FYB2: variants seen among roughly 807,000 people sequenced by gnomAD.
The protein encoded by FYB2 is FYN-binding protein 2.
Under a neutral mutation model 94.1 loss-of-function variants are expected in FYB2, and 103 were observed. The observed-to-expected ratio is 1.09, with a 90% CI of 0.93 to 1.29. The LOEUF (loss-of-function observed/expected upper bound fraction) is 1.29, where lower values mean the gene tolerates loss of function less well. FYB2 is among the 50% of genes most tolerant of loss of function. The pLI is 0.00. For missense variants in FYB2, 896 were observed against 841.5 expected (o/e 1.06, Z -0.80); for synonymous variants, 293 against 287.9 (o/e 1.02, Z -0.18).
At position 56,740,612 on chromosome 1, in the gene FYB2, G is replaced by C. The variant is rs550442910; in HGVS notation, c.1703+85C>G. The C allele has an allele frequency of 1.8e-5, 14 of 788,796 alleles. No individual in the cohort carries two copies. The African/African-American group carries it at 2.1e-4, about 12-fold the overall frequency. 48.9% of individuals were successfully genotyped at this position (788,796 alleles called of 1,614,324 possible). On this transcript the variant is annotated intron_variant, in intron 13 of 19. Coordinates refer to ENST00000343433, the MANE Select transcript of FYB2 (RefSeq NM_001004303.5). The stretch of plus-strand genomic sequence containing the variant: ...TTTAGTTTCTGATATCCCCTTCACT[G>C]TTTCTGAGATTGGATGGAGAACATC...
chr1:56,760,029 A>C (rs1645451068), intron 5 of FYB2, among the ~76,000 whole-genome samples: 1 of 151,042 alleles, frequency 6.6e-6, no homozygotes, highest in African/African-American at 2.4e-5. Flanking sequence ...CAGTGAGCCG[A>C]GATCGCGCTA....
intron 1 of FYB2, among the ~76,000 whole-genome samples, chr1:56,811,978 A>C (rs1375397614): frequency 2.0e-5 from 3 of 151,560 alleles, no homozygotes; most frequent in Non-Finnish European, 4.4e-5. Context: ...CTGGTCTTTG[A>C]GGTAAGCCAT....
upstream of FYB2, among the ~76,000 whole-genome samples, chr1:56,822,796 CGT>C (rs1302337444): frequency 6.6e-6 from 1 of 150,918 alleles, no homozygotes; most frequent in African/African-American, 2.4e-5. Context: ...TGGGAAATCA[CGT>C]GTCCTCACCT....
intron 1 of FYB2, among the ~76,000 whole-genome samples, chr1:56,814,284 G>GCTA (rs1182514912): frequency 6.6e-6 from 1 of 152,224 alleles, no homozygotes; most frequent in Non-Finnish European, 1.5e-5. Flanking sequence ...CAGAGCTTGG[G>GCTA]CTGTACTCTG....
chr1:56,814,423 G>A (rs552896843), intron 1 of FYB2, among the ~76,000 whole-genome samples: 1 of 152,286 alleles, frequency 6.6e-6, no homozygotes, highest in South Asian at 2.1e-4. Flanking sequence ...TGACTCAATG[G>A]GAAAGTAATG....
intron 5 of FYB2, among the ~76,000 whole-genome samples, chr1:56,764,253 C>T (rs1300561663): frequency 6.6e-6 from 1 of 152,086 alleles, no homozygotes; most frequent in Non-Finnish European, 1.5e-5. Context: ...CGCTCCTGAC[C>T]CATATTATGT....
chr1:56,793,522 C>T (rs551305121), intron 1 of FYB2, among the ~76,000 whole-genome samples: 2 of 152,128 alleles, frequency 1.3e-5, no homozygotes, highest in African/African-American at 4.8e-5. Context: ...AGGAGCTAAA[C>T]ACTGAGTACA....
At chr1:56,720,545 G>T in intron 17 of FYB2, 2 of 371,826 alleles carry the variant, frequency 5.4e-6, no homozygotes, top group Non-Finnish European at 4.7e-6. Context: ...ACATTTGTTT[G>T]GTATGATTAT....
chr1:56,726,430 C>T (rs1237027649), intron 16 of FYB2, 67 bp downstream of exon 16: 3 of 1,417,304 alleles, frequency 2.1e-6, no homozygotes, highest in Admixed American at 2.1e-5. Flanking sequence ...TATCTGAGGC[C>T]ACACAGCTAG....
At chr1:56,811,511 C>A (rs1180688984) in intron 1 of FYB2, among the ~76,000 whole-genome samples, 2 of 152,194 alleles carry the variant, frequency 1.3e-5, no homozygotes, top group Non-Finnish European at 1.5e-5. Context: ...AGTTTGTCAA[C>A]AACCCAGCCA....
chr1:56,743,964 T>C (rs1330161465), intron 11 of FYB2, 62 bp downstream of exon 11: 1 of 1,506,228 alleles, frequency 6.6e-7, no homozygotes, highest in Non-Finnish European at 9.1e-7. Context: ...TTATCACTAA[T>C]CAGCCATAGA....
At chr1:56,743,901 T>C (rs1569947114) in intron 11 of FYB2, 125 bp downstream of exon 11, 1 of 1,031,094 alleles carries the variant, frequency 9.7e-7, no homozygotes, top group Non-Finnish European at 1.4e-6. Context: ...GTATTGCTTC[T>C]CTTAGCTTCC....
chr1:56,757,045 G>A (rs1310724704), intron 6 of FYB2, among the ~76,000 whole-genome samples: 1 of 152,006 alleles, frequency 6.6e-6, no homozygotes, highest in Non-Finnish European at 1.5e-5. Flanking sequence ...GAAAGGAAGA[G>A]ATCAGATTCC....
chr1:56,810,230 C>T (rs1241833630), intron 1 of FYB2, among the ~76,000 whole-genome samples: 3 of 152,132 alleles, frequency 2.0e-5, no homozygotes, highest in Non-Finnish European at 2.9e-5. Context: ...TGTTAGGTGG[C>T]ATTTTAGTTT....
chr1:56,730,398 G>A (rs1644681576), intron 15 of FYB2, among the ~76,000 whole-genome samples: 1 of 119,654 alleles, frequency 8.4e-6, no homozygotes. Context: ...GGGAAGTGGA[G>A]GGGAGGGGAA....
chr1:56,748,166 A>G (rs1482254523), intron 9 of FYB2, among the ~76,000 whole-genome samples: 1 of 152,104 alleles, frequency 6.6e-6, no homozygotes, highest in African/African-American at 2.4e-5. Context: ...AGATGGATAG[A>G]TTCCAAAAAT....
chr1:56,760,746 G>C (rs1331460980), intron 5 of FYB2, among the ~76,000 whole-genome samples: 1 of 152,068 alleles, frequency 6.6e-6, no homozygotes, highest in Non-Finnish European at 1.5e-5. Context: ...AGCCTTACTT[G>C]CCATGGCTAG....
At chr1:56,757,726 C>CTTTCTT in intron 6 of FYB2, among the ~76,000 whole-genome samples, 1 of 114,592 alleles carries the variant, frequency 8.7e-6, no homozygotes, top group East Asian at 3.0e-4. Flanking sequence ...TTCTTTCTTT[C>CTTTCTT]TTTCTTTCAT....
intron 1 of FYB2, among the ~76,000 whole-genome samples, chr1:56,807,877 G>A (rs1157287650): frequency 1.3e-5 from 2 of 152,078 alleles, no homozygotes; most frequent in Admixed American, 6.5e-5. Context: ...CAATAAAATG[G>A]CAACAATAAT....
Sources: gnomAD v4.1 joint callset for allele counts (sites outside exome capture counted in the v4.1 genomes callset) on GRCh38, gnomAD v4.1.1 for gene constraint, MANE v1.5 for transcripts, NCBI Gene and HGNC (gene_info 2026-07-23, HGNC 2026-07-21) for gene names.